CRYL1: variants seen among roughly 807,000 people sequenced by gnomAD.
CRYL1 encodes crystallin lambda 1.
CRYL1 carries 29 observed loss-of-function variants against 36.6 expected under a neutral mutation model. The observed-to-expected ratio is 0.79, with a 90% CI of 0.59 to 1.08. The LOEUF (loss-of-function observed/expected upper bound fraction) is 1.08. Ranked by LOEUF, CRYL1 falls within the 50% of genes least tolerant of loss-of-function variation. The pLI, the probability that CRYL1 is intolerant of heterozygous loss-of-function variation, is 0.00. For synonymous variants in CRYL1, 152 were observed against 151.5 expected (o/e 1.00, Z -0.02); for missense variants, 411 against 407.9 (o/e 1.01, Z -0.06).
intron 5 of CRYL1, among the ~76,000 whole-genome samples, chr13:20,422,711 T>C (rs2031846874): frequency 6.6e-6 from 1 of 152,254 alleles, no homozygotes; most frequent in Non-Finnish European, 1.5e-5. Context: ...CTTGCACTCC[T>C]GCTCTCCTTT....
chr13:20,488,121 T>C (rs2033436915), intron 3 of CRYL1, among the ~76,000 whole-genome samples: 1 of 152,028 alleles, frequency 6.6e-6, no homozygotes, highest in Admixed American at 6.6e-5. Context: ...AAAATAAAAC[T>C]AAATTCATGT....
chr13:20,408,603 C>G (rs1479402169), intron 6 of CRYL1, among the ~76,000 whole-genome samples: 2 of 152,168 alleles, frequency 1.3e-5, no homozygotes, highest in Non-Finnish European at 2.9e-5. Flanking sequence ...TAGCAAAAAT[C>G]CTAATCTTGT....
intron 3 of CRYL1, among the ~76,000 whole-genome samples, chr13:20,458,051 G>T (rs886192417): frequency 6.6e-6 from 1 of 152,128 alleles, no homozygotes; most frequent in Non-Finnish European, 1.5e-5. Flanking sequence ...TCATTTACCA[G>T]CCAACCACAG....
chr13:20,436,852 A>G (rs1374214376), intron 4 of CRYL1, among the ~76,000 whole-genome samples: 1 of 152,088 alleles, frequency 6.6e-6, no homozygotes, highest in Non-Finnish European at 1.5e-5. Flanking sequence ...AATGATTGAA[A>G]CAAAGGGCCC....
chr13:20,424,958 G>T (rs543328166), intron 5 of CRYL1, among the ~76,000 whole-genome samples: 5 of 152,176 alleles, frequency 3.3e-5, no homozygotes, highest in Non-Finnish European at 2.9e-5. Context: ...ATGGTGCGGA[G>T]GCCAGACTTG....
At chr13:20,431,631 A>C in intron 5 of CRYL1, 1 of 1,054,400 alleles carries the variant, frequency 9.5e-7, no homozygotes, top group South Asian at 3.1e-5. Context: ...CTTTATAGGT[A>C]AGACAAGCAT....
chr13:20,482,759 G>A (rs1014057826), intron 3 of CRYL1, among the ~76,000 whole-genome samples: 6 of 152,252 alleles, frequency 3.9e-5, no homozygotes, highest in Admixed American at 1.3e-4. Context: ...GTGTGTGTGC[G>A]CGCGTGTGTG....
At chr13:20,459,235 C>CAAA (rs61255031) in intron 3 of CRYL1, among the ~76,000 whole-genome samples, 1,989 of 77,370 alleles carry the variant, frequency 0.026, 58 homozygotes, top group East Asian at 0.049. Context: ...GACTCCATCT[C>CAAA]AAAAAAAAAA....
chr13:20,521,981 A>G (rs1300718256), intron 1 of CRYL1, among the ~76,000 whole-genome samples: 1 of 152,190 alleles, frequency 6.6e-6, no homozygotes, highest in African/African-American at 2.4e-5. Context: ...TTTGCTGTGT[A>G]TGTGTACAAA....
In CRYL1 at chr13:20,525,671, C is replaced by A; in HGVS notation, c.41+83G>T. The A allele has an allele frequency of 8.5e-7, 1 of 1,178,944 alleles. No homozygotes were observed. Among genetic ancestry groups the A allele is most frequent in the Non-Finnish European group, 1.1e-6 (1 of 924,014 alleles). The allele number at this position is 1,178,944 out of a possible 1,614,324, so 73.0% of individuals were successfully genotyped here. A position where few individuals can be genotyped will look rare whatever the true frequency, so the allele number is the denominator to read the frequency against. On this transcript the variant is annotated intron_variant, in intron 1 of 7. Coordinates refer to ENST00000298248, the MANE Select transcript of CRYL1 (RefSeq NM_015974.3). This position sits in a 1 kb window ranked among gnomAD's most constrained non-coding sequence, Gnocchi z 4.3. ...GGCGGGGACAGCGACCCGGCGCCCA[C>A]CCCGAGGGCCCCACGCGAGGGCACC...
At chr13:20,491,835 T>C (rs1289235572) in intron 2 of CRYL1, among the ~76,000 whole-genome samples, 1 of 152,130 alleles carries the variant, frequency 6.6e-6, no homozygotes, top group Non-Finnish European at 1.5e-5. Flanking sequence ...GTGAAAAATA[T>C]ACAAAACCAA....
At chr13:20,507,703 G>A (rs560153082) in intron 2 of CRYL1, among the ~76,000 whole-genome samples, 3 of 152,040 alleles carry the variant, frequency 2.0e-5, no homozygotes, top group Admixed American at 6.5e-5. Context: ...CGGATCACAA[G>A]GTCAGGAGAT....
chr13:20,429,571 ACTGT>A (rs1424982606), intron 5 of CRYL1, among the ~76,000 whole-genome samples: 1 of 152,124 alleles, frequency 6.6e-6, no homozygotes, highest in Non-Finnish European at 1.5e-5. Context: ...CAGGTACACC[ACTGT>A]CTGCTAGGTG....
At chr13:20,508,882 A>ACAAAC (rs1437133963) in intron 2 of CRYL1, among the ~76,000 whole-genome samples, 3 of 130,750 alleles carry the variant, frequency 2.3e-5, no homozygotes, top group African/African-American at 8.0e-5. Flanking sequence ...AAAACAAAAA[A>ACAAAC]AAAAAACTGA....
At chr13:20,422,204 C>CA (rs2031833965) in intron 5 of CRYL1, among the ~76,000 whole-genome samples, 1 of 151,852 alleles carries the variant, frequency 6.6e-6, no homozygotes, top group African/African-American at 2.4e-5. Context: ...ACTAAAAATA[C>CA]AAAAAATTAG....
intron 3 of CRYL1, among the ~76,000 whole-genome samples, chr13:20,469,319 C>T (rs1210097547): frequency 6.6e-6 from 1 of 152,174 alleles, no homozygotes; most frequent in Non-Finnish European, 1.5e-5. Flanking sequence ...CACAAATTTA[C>T]TTTCATCTTT....
intron 3 of CRYL1, among the ~76,000 whole-genome samples, chr13:20,449,615 GA>G (rs369726459): frequency 2.4e-4 from 34 of 143,812 alleles, no homozygotes; most frequent in African/African-American, 4.1e-4. Flanking sequence ...AATCCAGGAA[GA>G]AAAAAAAAAG....
At chr13:20,505,966 C>T (rs2033790487) in intron 2 of CRYL1, among the ~76,000 whole-genome samples, 1 of 152,128 alleles carries the variant, frequency 6.6e-6, no homozygotes, top group Admixed American at 6.6e-5. Flanking sequence ...ATTGCACTGA[C>T]CAAAATACTT....
chr13:20,458,033 G>A (rs188948631), intron 3 of CRYL1, among the ~76,000 whole-genome samples: 1 of 152,076 alleles, frequency 6.6e-6, no homozygotes, highest in Non-Finnish European at 1.5e-5. Flanking sequence ...CAAAAAAATT[G>A]GTTCTATTCA....
Sources: allele counts gnomAD v4.1 joint callset (sites outside exome capture counted in the v4.1 genomes callset), GRCh38; gene constraint gnomAD v4.1.1; non-coding constraint Gnocchi (gnomAD v3.1); transcripts MANE v1.5; gene names NCBI Gene and HGNC (gene_info 2026-07-23, HGNC 2026-07-21).